The following MGMT variants were observed in gnomAD, a reference collection of about 807,000 sequenced individuals.
The protein encoded by MGMT is O-6-methylguanine-DNA methyltransferase, also known as methylated-DNA--protein-cysteine methyltransferase.
MGMT carries 14 observed loss-of-function variants against 15.9 expected under a neutral mutation model. That is an observed-to-expected ratio of 0.88 (90% CI 0.58 to 1.37). The LOEUF is 1.37. Among genes scored for constraint, MGMT ranks in the 40% most tolerant of loss-of-function variants. MGMT has a pLI of 0.00. For synonymous variants in MGMT, 130 were observed against 118.2 expected, an observed-to-expected ratio of 1.10 and a Z score of -0.65; for missense variants, 282 against 268.1, an observed-to-expected ratio of 1.05 and a Z score of -0.36.
At chr10:129,642,224 G>A (rs1847335941) in intron 2 of MGMT, among the ~76,000 whole-genome samples, 1 of 151,986 alleles carries the variant, frequency 6.6e-6, no homozygotes, top group Non-Finnish European at 1.5e-5. Context: ...CGGGCGGGCG[G>A]GCGTAGGGGG....
chr10:129,471,580 G>A (rs531642120), intron 1 of MGMT, among the ~76,000 whole-genome samples: 62 of 152,170 alleles, frequency 4.1e-4, no homozygotes, highest in Admixed American at 3.5e-3. Flanking sequence ...GTTGCTCTCC[G>A]TAAAGTGGGA....
At chr10:129,476,695 G>T (rs1272119320) in intron 1 of MGMT, among the ~76,000 whole-genome samples, 1 of 152,162 alleles carries the variant, frequency 6.6e-6, no homozygotes, top group African/African-American at 2.4e-5. Flanking sequence ...TGGCACCAAG[G>T]CCATGCTGGG....
In MGMT at chr10:129,770,319, C is replaced by T. The variant is rs1054296378; in HGVS notation, c.*3322C>T. ...GAGAAACGTAAGAGGTGGTGTGACC[C>T]GCTGGAGCCCTGTGGAGTGGCGGAC... On this transcript the variant is annotated 3_prime_UTR_variant, in exon 5 of 5. Coordinates refer to ENST00000651593, the MANE Select transcript of MGMT (RefSeq NM_002412.5). Among the ~76,000 whole-genome samples the T allele has an allele frequency of 2.0e-5, 3 of 152,222 alleles. No individual in the cohort carries two copies. The highest frequency in any genetic ancestry group is 6.5e-5 in the Admixed American group (1 of 15,284).
chr10:129,576,183 T>A (rs1158716972), intron 2 of MGMT, among the ~76,000 whole-genome samples: 1 of 152,258 alleles, frequency 6.6e-6, no homozygotes, highest in African/African-American at 2.4e-5. Flanking sequence ...TAACTCATTT[T>A]ATGAGGCCAG....
intron 3 of MGMT, among the ~76,000 whole-genome samples, chr10:129,720,705 T>C (rs547942690): frequency 5.3e-5 from 8 of 152,334 alleles, no homozygotes; most frequent in African/African-American, 1.9e-4. Context: ...GCCGGAGAGC[T>C]TTCTTCTCTG....
At chr10:129,650,908 G>A (rs1352509805) in intron 2 of MGMT, among the ~76,000 whole-genome samples, 1 of 152,186 alleles carries the variant, frequency 6.6e-6, no homozygotes, top group Non-Finnish European at 1.5e-5. Context: ...TGCCTGCCAT[G>A]GCTCCCGCAT....
intron 1 of MGMT, among the ~76,000 whole-genome samples, chr10:129,535,347 G>A (rs2119757576): frequency 6.6e-6 from 1 of 152,252 alleles, no homozygotes; most frequent in South Asian, 2.1e-4. Flanking sequence ...AGTGAGCTAG[G>A]ATTGCACCGC....
intron 2 of MGMT, among the ~76,000 whole-genome samples, chr10:129,696,837 G>A (rs1040078590): frequency 1.3e-5 from 2 of 152,228 alleles, no homozygotes; most frequent in African/African-American, 4.8e-5. Context: ...ACGCAGCCCA[G>A]TCCACACCTC....
In MGMT at chr10:129,659,053, T is replaced by G. The variant is rs554859229; in HGVS notation, c.126-48842T>G. 5.3e-5 allele frequency among the ~76,000 whole-genome samples: 8 copies of G among 152,286 alleles called. No homozygotes were observed. The South Asian group carries it at 6.2e-4, about 12-fold the overall frequency. Reference sequence around the variant, plus strand: ...AAAATCCTTGGTTCTGATGACTTCATGTTGTTTCAGAAGATACTCAAGGCC... The same window carrying G: ...AAAATCCTTGGTTCTGATGACTTCAGGTTGTTTCAGAAGATACTCAAGGCC... On this transcript the variant is annotated intron_variant, in intron 2 of 4. Transcript: ENST00000651593. This position sits in a 1 kb window ranked among gnomAD's most constrained non-coding sequence, Gnocchi z 4.1.
intron 2 of MGMT, among the ~76,000 whole-genome samples, chr10:129,608,954 C>G (rs1846926503): frequency 6.6e-6 from 1 of 152,276 alleles, no homozygotes; most frequent in East Asian, 1.9e-4. Context: ...GTAAAGCATG[C>G]TTACGCAGTA....
chr10:129,515,741 T>C (rs1845731444), intron 1 of MGMT, among the ~76,000 whole-genome samples: 1 of 152,150 alleles, frequency 6.6e-6, no homozygotes, highest in South Asian at 2.1e-4. Context: ...TAGCGTGGCC[T>C]GCATACAGGT....
At chr10:129,505,259 T>A (rs947002372) in intron 1 of MGMT, among the ~76,000 whole-genome samples, 1 of 152,222 alleles carries the variant, frequency 6.6e-6, no homozygotes, top group Non-Finnish European at 1.5e-5. Context: ...ACTTTTATTT[T>A]CTAGTCTATT....
In MGMT at chr10:129,632,115, G is replaced by C. The variant is rs191884717; in HGVS notation, c.126-75780G>C. ...CGTCACACTGCATGTGTTGTAGTGG[G>C]ATATGCCTTTTTATGCACCAGCGTA... is the stretch of plus-strand genomic sequence containing the variant. On this transcript the variant is annotated intron_variant, in intron 2 of 4. Coordinates refer to ENST00000651593, the MANE Select transcript of MGMT (RefSeq NM_002412.5). 1.3e-4 allele frequency among the ~76,000 whole-genome samples: 20 copies of C among 152,338 alleles called. No homozygotes were observed. The South Asian group carries it at 2.9e-3, about 22-fold the overall frequency.
chr10:129,607,920 G>A lies in MGMT; in HGVS notation c.125+71543G>A, dbSNP rs1221039436. ...CGTGGGGTTAGCCACCTGCCCCCTC[G>A]TACCGTGTTTCACATGCGAGGTTGC... On this transcript the variant is annotated intron_variant, in intron 2 of 4. Transcript: ENST00000651593. 3.3e-5 allele frequency among the ~76,000 whole-genome samples: 5 copies of A among 152,160 alleles called. No homozygotes were observed. The East Asian group carries it at 5.8e-4, about 18-fold the overall frequency.
chr10:129,660,863 T>C (rs1847589626), intron 2 of MGMT, among the ~76,000 whole-genome samples: 1 of 152,204 alleles, frequency 6.6e-6, no homozygotes, highest in Admixed American at 6.5e-5. Flanking sequence ...AATGTTCGTA[T>C]GTCACTGTTG....
chr10:129,672,274 T>C (rs1847733387), intron 2 of MGMT, among the ~76,000 whole-genome samples: 1 of 152,250 alleles, frequency 6.6e-6, no homozygotes, highest in South Asian at 2.1e-4. Flanking sequence ...AGAAGTCAGC[T>C]CTTCTTTCAA....
intron 2 of MGMT, among the ~76,000 whole-genome samples, chr10:129,593,237 G>A (rs911517292): frequency 6.6e-6 from 1 of 152,242 alleles, no homozygotes; most frequent in African/African-American, 2.4e-5. Flanking sequence ...AGTGGGCGCT[G>A]TTGGGATTCC....
chr10:129,674,077 C>T (rs1232324883), intron 2 of MGMT, among the ~76,000 whole-genome samples: 3 of 152,180 alleles, frequency 2.0e-5, no homozygotes, highest in African/African-American at 4.8e-5. Flanking sequence ...TTTGATTCTA[C>T]AGGAAGTTGT....
At chr10:129,729,688 G>C (rs376194423) in intron 3 of MGMT, among the ~76,000 whole-genome samples, 1 of 152,208 alleles carries the variant, frequency 6.6e-6, no homozygotes, top group Non-Finnish European at 1.5e-5. Context: ...TGTCAGTAAT[G>C]ATATGCCTGC....
Sources: allele counts gnomAD v4.1 joint callset (sites outside exome capture counted in the v4.1 genomes callset), GRCh38; gene constraint gnomAD v4.1.1; non-coding constraint Gnocchi (gnomAD v3.1); transcripts MANE v1.5; gene names NCBI Gene and HGNC (gene_info 2026-07-23, HGNC 2026-07-21).